Variants in TBC1D13 observed in about 807,000 individuals in gnomAD.
TBC1D13 encodes the protein TBC1 domain family member 13.
Under a neutral mutation model 53.6 loss-of-function variants are expected in TBC1D13, and 40 were observed. The observed-to-expected ratio is 0.75, with a 90% CI of 0.58 to 0.97. The LOEUF (loss-of-function observed/expected upper bound fraction) is 0.97, where lower values mean the gene tolerates loss of function less well. Among genes scored for constraint, TBC1D13 ranks in the 50% least tolerant of loss-of-function variants. TBC1D13 has a pLI of 0.00. For missense variants in TBC1D13, 377 were observed against 499.4 expected (o/e 0.75, Z 2.34); for synonymous variants, 182 against 197.7 (o/e 0.92, Z 0.67).
intron 2 of TBC1D13, among the ~76,000 whole-genome samples, chr9:128,790,280 G>A (rs7864661): frequency 0.95 from 138,674 of 146,382 alleles, 65,707 homozygotes; most frequent in Non-Finnish European, 0.96. Flanking sequence ...AAAAAAATTA[G>A]CATCCAGTCT....
chr9:128,807,666 G>A, intron 11 of TBC1D13, 148 bp from the exon 12 acceptor site: 1 of 781,862 alleles, frequency 1.3e-6, no homozygotes, highest in Non-Finnish European at 2.3e-6. Flanking sequence ...GGGGTCTGGG[G>A]GTTGGGGAGT....
chr9:128,807,758 G>T (rs1223053922), intron 11 of TBC1D13, 56 bp from the exon 12 acceptor site: 7 of 1,571,440 alleles, frequency 4.5e-6, no homozygotes, highest in African/African-American at 4.1e-5. Context: ...GAGGGTGTGG[G>T]TGTGGCAGGG....
Position 128,809,518 on chromosome 9 carries a change from T to C in TBC1D13, c.*1639T>C, listed in dbSNP as rs556009275. On this transcript the variant is annotated 3_prime_UTR_variant, in exon 12 of 12. Coordinates refer to ENST00000372648, the MANE Select transcript of TBC1D13 (RefSeq NM_018201.5). ...TGGCTCTTCTACCAGGCTTTTCCTT[T>C]GATGCCGCCTGGATTTCCGCACCTG... 6.6e-6 allele frequency: 1 copy of C among 152,332 alleles called. No individual in the cohort carries two copies. Among genetic ancestry groups the C allele is most frequent in the South Asian group, 2.1e-4 (1 of 4,826 alleles). 9.4% of individuals were successfully genotyped at this position (152,332 alleles called of 1,614,324 possible). A position where few individuals can be genotyped will look rare whatever the true frequency, so the allele number is the denominator to read the frequency against.
At chr9:128,796,009 T>C (rs6478849) in intron 6 of TBC1D13, among the ~76,000 whole-genome samples, 145,405 of 152,348 alleles carry the variant, frequency 0.95, 69,400 homozygotes, top group Non-Finnish European at 0.96. Flanking sequence ...ACACATAAAA[T>C]GTGGGCATGT....
chr9:128,799,937 C>T (rs1213003213), intron 7 of TBC1D13, among the ~76,000 whole-genome samples: 2 of 152,210 alleles, frequency 1.3e-5, no homozygotes, highest in African/African-American at 2.4e-5. Context: ...AGGAGAATGG[C>T]GTGAACCCGG....
chr9:128,797,118 G>C lies in TBC1D13; in HGVS notation c.447G>C (p.Leu149=), dbSNP rs1405592488. Reference sequence around the variant, plus strand: ...CTGACTACCCTTGCCTCCTCATCCTGGACCCCCAGAATGAGTTTGAAACCC... The same window carrying C: ...CTGACTACCCTTGCCTCCTCATCCTCGACCCCCAGAATGAGTTTGAAACCC... ...RATDYPCLLI[L]DPQNEFETLR... is the part of the protein sequence containing the mutation. The change falls in exon 7 of 12, where the codon CTG becomes CTC. Residue 149 remains leucine (L), a synonymous_variant. Transcript: ENST00000372648. 1.2e-6 allele frequency: 2 copies of C among 1,613,998 alleles called. No individual in the cohort carries two copies. The highest frequency in any genetic ancestry group is 1.7e-6 in the Non-Finnish European group (2 of 1,180,000).
intron 7 of TBC1D13, among the ~76,000 whole-genome samples, chr9:128,800,249 G>C (rs942581238): frequency 6.6e-6 from 1 of 152,150 alleles, no homozygotes; most frequent in African/African-American, 2.4e-5. Flanking sequence ...CCTAGGGCCG[G>C]GCCCAGCACT....
intron 3 of TBC1D13, 62 bp from the exon 4 acceptor site, chr9:128,791,318 G>T (rs992298577): frequency 2.0e-6 from 3 of 1,486,808 alleles, no homozygotes; most frequent in African/African-American, 1.4e-5. Context: ...TGTCATCCCC[G>T]CCTAAAGACT....
At position 128,807,881 on chromosome 9, in the gene TBC1D13, C is replaced by A. The variant is rs1167482092; in HGVS notation, c.*2C>A. ...AAGGAGCTCCAAGACTCAAAGTAGC[C>A]CGGCGGCAAGAGGCCCATGTTCCGG... On this transcript the variant is annotated 3_prime_UTR_variant, in exon 12 of 12. Coordinates refer to ENST00000372648, the MANE Select transcript of TBC1D13 (RefSeq NM_018201.5). The A allele has an allele frequency of 6.2e-7, 1 of 1,614,088 alleles. No homozygotes were observed. Among genetic ancestry groups the A allele is most frequent in the South Asian group, 1.1e-5 (1 of 91,086 alleles).
intron 9 of TBC1D13, 104 bp downstream of exon 9, chr9:128,804,223 TAGC>T: frequency 7.5e-7 from 1 of 1,329,408 alleles, no homozygotes; most frequent in African/African-American, 1.5e-5. Context: ...GGGTCAGAAG[TAGC>T]TGCTGCTGCT....
chr9:128,801,925 C>A (rs1829742521), intron 7 of TBC1D13, among the ~76,000 whole-genome samples: 1 of 150,926 alleles, frequency 6.6e-6, no homozygotes, highest in African/African-American at 2.4e-5. Context: ...CCACGCCTGG[C>A]TAATTTTTTG....
chr9:128,797,141 C>T lies in TBC1D13; in HGVS notation c.470C>T (p.Thr157Ile). 3 of 1,614,138 alleles carry T rather than the reference C, an allele frequency of 1.9e-6. No individual in the cohort carries two copies. The highest frequency in any genetic ancestry group is 2.5e-6 in the Non-Finnish European group (3 of 1,180,038). Residue 157 changes from threonine to isoleucine, a missense_variant, in exon 7 of 12, where the codon ACC becomes ATC. By Grantham distance (89) the Thr-to-Ile change is moderately conservative. Coordinates refer to ENST00000372648, the MANE Select transcript of TBC1D13 (RefSeq NM_018201.5). ...CTGGACCCCCAGAATGAGTTTGAAA[C>T]CCTTCGTAAGAGAGTGGAACAGACA... ...LILDPQNEFE[T>I]LRKRVEQTTL...
intron 9 of TBC1D13, among the ~76,000 whole-genome samples, chr9:128,804,555 C>T (rs1465521339): frequency 5.3e-5 from 8 of 151,222 alleles, no homozygotes; most frequent in Admixed American, 1.3e-4. Context: ...TACAGGCACC[C>T]GCCACTGTGC....
Position 128,808,329 on chromosome 9 carries a change from A to T in TBC1D13, c.*450A>T, listed in dbSNP as rs535401058. ...ACAGGGAAGGCGACACTGAAAGCTG[A>T]GTCCTGCCGTCTGTCTCACCCACAG... On this transcript the variant is annotated 3_prime_UTR_variant, in exon 12 of 12. Coordinates refer to ENST00000372648, the MANE Select transcript of TBC1D13 (RefSeq NM_018201.5). 94 of 221,316 alleles carry T rather than the reference A, an allele frequency of 4.2e-4. 2 individuals carry two copies. In the South Asian group the frequency reaches 6.6e-3, roughly 15 times the overall value. 13.7% of individuals were successfully genotyped at this position (221,316 alleles called of 1,614,324 possible).
intron 1 of TBC1D13, 64 bp from the exon 2 acceptor site, chr9:128,788,270 G>A: frequency 1.4e-6 from 2 of 1,451,130 alleles, no homozygotes; most frequent in East Asian, 4.5e-5. Flanking sequence ...AGGGAGCTGA[G>A]GGCTGTGGGT....
At chr9:128,789,188 T>C (rs1471122415) in intron 2 of TBC1D13, among the ~76,000 whole-genome samples, 3 of 152,002 alleles carry the variant, frequency 2.0e-5, no homozygotes. Flanking sequence ...CTGGGCTTGG[T>C]GGCACTTGCC....
chr9:128,806,302 G>A lies in TBC1D13; in HGVS notation c.1128G>A (p.Arg376=), dbSNP rs768243507. The part of the protein sequence containing the change: ...LLEGDFTVNM[R]LLQDYPITDV... ...AAGGGGACTTCACTGTGAATATGCG[G>A]CTGCTGCAGGTAATGGGAGTTGGGG... is the stretch of plus-strand genomic sequence containing the variant. Residue 376 remains arginine, a synonymous_variant, in exon 11 of 12, where the codon CGG becomes CGA. Transcript: ENST00000372648. 2 of 1,614,132 alleles carry A rather than the reference G, an allele frequency of 1.2e-6. No individual in the cohort carries two copies. The highest frequency in any genetic ancestry group is 2.2e-5 in the South Asian group (2 of 91,088).
chr9:128,798,930 T>C (rs1829684212), intron 7 of TBC1D13, among the ~76,000 whole-genome samples: 1 of 152,098 alleles, frequency 6.6e-6, no homozygotes, highest in African/African-American at 2.4e-5. Context: ...CCCAGACTGG[T>C]TTTGAACTCC....
chr9:128,799,699 A>G (rs1829696870), intron 7 of TBC1D13, among the ~76,000 whole-genome samples: 1 of 152,196 alleles, frequency 6.6e-6, no homozygotes. Context: ...AAATGGAGGA[A>G]TACCTGTACA....
Sources: allele counts gnomAD v4.1 joint callset (sites outside exome capture counted in the v4.1 genomes callset), GRCh38; gene constraint gnomAD v4.1.1; transcripts MANE v1.5; gene names NCBI Gene and HGNC (gene_info 2026-07-23, HGNC 2026-07-21).